ZNF606: variants seen among roughly 807,000 people sequenced by gnomAD.
The protein encoded by ZNF606 is zinc finger protein 606.
Under a neutral mutation model 74.9 loss-of-function variants are expected in ZNF606, and 37 were observed. That is an observed-to-expected ratio of 0.49 (90% CI 0.38 to 0.65). ZNF606 has a LOEUF of 0.65. ZNF606 is among the 30% of genes least tolerant of loss of function. The pLI is 0.00. For missense variants in ZNF606, 852 were observed against 952.9 expected (o/e 0.89, Z 1.39); for synonymous variants, 328 against 312.4 (o/e 1.05, Z -0.53).
chr19:57,980,605 G>A (rs1464296978), intron 6 of ZNF606, among the ~76,000 whole-genome samples: 2 of 152,120 alleles, frequency 1.3e-5, no homozygotes, highest in African/African-American at 4.8e-5. Context: ...GGAGGCCGAG[G>A]CGGGCGGATC....
Position 57,978,409 on chromosome 19 carries a change from C to T in ZNF606, c.2271G>A (p.Met757Ile). Residue 757 changes from methionine (M) to isoleucine (I), a missense_variant, in exon 7 of 7, where the codon ATG becomes ATA. Physicochemically the swap from Met to Ile is conservative, Grantham distance 10. Transcript: ENST00000551380. The surrounding 1 kb of genome is among the most constrained non-coding windows in gnomAD (Gnocchi z 4.4). ...KNSSLIIHQR[M>I]HSGEKRFICS... Reference sequence around the variant, plus strand: ...ATATAAAGCGTTTCTCTCCACTATGCATTCTCTGATGAATAATAAGGGAAG... The same window carrying T: ...ATATAAAGCGTTTCTCTCCACTATGTATTCTCTGATGAATAATAAGGGAAG... The T allele has an allele frequency of 6.2e-7, 1 of 1,613,968 alleles. No individual in the cohort carries two copies. The highest frequency in any genetic ancestry group is 2.2e-5 in the East Asian group (1 of 44,856).
In ZNF606 at chr19:58,001,425, T is replaced by C. The variant is rs1050855719; in HGVS notation, c.-51-55A>G. On this transcript the variant is annotated intron_variant, in intron 1 of 6. Coordinates refer to ENST00000551380, the MANE Select transcript of ZNF606 (RefSeq NM_001348022.3). ...TAGTCCTTTCTCACAGAAGACCAAGTGGGAACAAAGAAGGGAATCCATCCA... is the reference window on the plus strand; with the variant it reads ...TAGTCCTTTCTCACAGAAGACCAAGCGGGAACAAAGAAGGGAATCCATCCA... 8.5e-6 allele frequency: 12 copies of C among 1,417,916 alleles called. No homozygotes were observed. In the South Asian group the frequency reaches 1.3e-4, roughly 16 times the overall value. The allele number at this position is 1,417,916 out of a possible 1,614,324, so 87.8% of individuals were successfully genotyped here.
chr19:57,979,323 T>C lies in ZNF606; in HGVS notation c.1357A>G (p.Ile453Val). 1 of 1,613,890 alleles carries C rather than the reference T, an allele frequency of 6.2e-7. No individual in the cohort carries two copies. Among genetic ancestry groups the C allele is most frequent in the Non-Finnish European group, 8.5e-7 (1 of 1,179,934 alleles). The change falls in exon 7 of 7, where the codon ATA (isoleucine) becomes GTA (valine). Residue 453 changes from isoleucine (I) to valine (V), a missense_variant. Coordinates refer to ENST00000551380, the MANE Select transcript of ZNF606 (RefSeq NM_001348022.3). ...CATTTATTACATTCATAGGGTTTTATTCCAGTGTGAGTCCGTTCATGTTTC... is the reference window on the plus strand; with the variant it reads ...CATTTATTACATTCATAGGGTTTTACTCCAGTGTGAGTCCGTTCATGTTTC... ...LTKHERTHTG[I>V]KPYECNKCGK...
intron 4 of ZNF606, among the ~76,000 whole-genome samples, chr19:57,992,230 G>A (rs1480986476): frequency 6.6e-6 from 1 of 152,222 alleles, no homozygotes; most frequent in East Asian, 1.9e-4. Context: ...GTGAAAGGCA[G>A]ACAGGGAGCT....
intron 4 of ZNF606, chr19:57,998,549 G>A (rs2073371050): frequency 6.6e-6 from 1 of 152,204 alleles, no homozygotes; most frequent in Non-Finnish European, 1.5e-5. Context: ...TAGTGGTTGG[G>A]AGGGAGTAGG....
chr19:57,988,525 T>G, intron 5 of ZNF606, 70 bp downstream of exon 5: 1 of 1,561,054 alleles, frequency 6.4e-7, no homozygotes. Context: ...GCAATGAGCT[T>G]CTAAACATGG....
In ZNF606 at chr19:57,980,180, TC is replaced by T. The variant is rs752744185; in HGVS notation, c.499del (p.Asp167MetfsTer8). 1 of 1,614,168 alleles carries T rather than the reference TC, an allele frequency of 6.2e-7. No homozygotes were observed. The highest frequency in any genetic ancestry group is 8.5e-7 in the Non-Finnish European group (1 of 1,180,040). On this transcript the variant is annotated frameshift_variant, in exon 7 of 7. Transcript: ENST00000551380. LOFTEE classifies it high-confidence loss of function. ...HGMKLERYIW[D>X]DPWFSRLEVL... is the part of the protein sequence containing the mutation. ...TTCTAACCTGGAGAACCAAGGATCA[TC>T]CCATATATATCTTTCCAACTTCATG...
chr19:57,980,358 C>T (rs2073066177), intron 6 of ZNF606, 79 bp from the exon 7 acceptor site: 2 of 1,421,814 alleles, frequency 1.4e-6, no homozygotes, highest in Admixed American at 2.3e-5. Flanking sequence ...ATTTACTGTC[C>T]ATATTATCAA....
chr19:58,000,847 C>A, intron 2 of ZNF606, 108 bp from the exon 3 acceptor site: 1 of 1,094,284 alleles, frequency 9.1e-7, no homozygotes, highest in Admixed American at 2.6e-5. Context: ...ATTCCATAAA[C>A]AGAGCCCAAG....
At chr19:57,998,698 A>C (rs1411782732) in intron 4 of ZNF606, 2 of 143,770 alleles carry the variant, frequency 1.4e-5, no homozygotes, top group African/African-American at 5.1e-5. Context: ...TAAAAGGATA[A>C]ACTTTATAAT....
intron 6 of ZNF606, among the ~76,000 whole-genome samples, chr19:57,980,751 C>T (rs2123268305): frequency 6.7e-6 from 1 of 149,636 alleles, no homozygotes; most frequent in South Asian, 2.1e-4. Flanking sequence ...AGGAGAATGG[C>T]ATGAACCCGG....
chr19:57,986,002 T>G (rs1469853746), intron 6 of ZNF606, among the ~76,000 whole-genome samples: 1 of 151,882 alleles, frequency 6.6e-6, no homozygotes, highest in African/African-American at 2.4e-5. Flanking sequence ...AAGAAATTCA[T>G]CACGTACAAG....
At chr19:57,981,361 T>G (rs2073083019) in intron 6 of ZNF606, among the ~76,000 whole-genome samples, 1 of 152,078 alleles carries the variant, frequency 6.6e-6, no homozygotes, top group Non-Finnish European at 1.5e-5. Context: ...GACTTTTGAG[T>G]CCTATAAGTA....
intron 4 of ZNF606, among the ~76,000 whole-genome samples, chr19:57,994,625 G>A (rs932431084): frequency 3.9e-5 from 6 of 152,102 alleles, no homozygotes; most frequent in Admixed American, 6.5e-5. Flanking sequence ...ATCTAGGGAT[G>A]GGGGAAGAGA....
rs370760010 is a variant in ZNF606 at position 57,978,170 on chromosome 19, A to G, written c.*131T>C. On this transcript the variant is annotated 3_prime_UTR_variant, in exon 7 of 7. Coordinates refer to ENST00000551380, the MANE Select transcript of ZNF606 (RefSeq NM_001348022.3). The surrounding 1 kb of genome is among the most constrained non-coding windows in gnomAD (Gnocchi z 4.4). The stretch of plus-strand genomic sequence containing the variant: ...CCTTCATGGGGTTTCTTCTAAGATG[A>G]TATTTTCTAGTAAATAATGTGGGAG... The G allele has an allele frequency of 1.7e-5, 16 of 935,032 alleles. No homozygotes were observed. Among genetic ancestry groups the G allele is most frequent in the African/African-American group, 1.5e-4 (9 of 59,296 alleles). The allele number at this position is 935,032 out of a possible 1,614,324, so 57.9% of individuals were successfully genotyped here.
chr19:57,980,178 C>T lies in ZNF606; in HGVS notation c.502G>A (p.Asp168Asn), dbSNP rs1343969723. ...ACTTCTAACCTGGAGAACCAAGGATCATCCCATATATATCTTTCCAACTTC... is the reference window on the plus strand; with the variant it reads ...ACTTCTAACCTGGAGAACCAAGGATTATCCCATATATATCTTTCCAACTTC... ...GMKLERYIWD[D>N]PWFSRLEVLG... The change falls in exon 7 of 7, where the codon GAT (aspartate) becomes AAT (asparagine). Residue 168 changes from aspartate (D) to asparagine (N), a missense_variant. By Grantham distance (23) the Asp-to-Asn change is conservative (BLOSUM62 1). Around this residue, in one of 3 missense-constraint regions of ZNF606, gnomAD observed 545 missense variants for 542.5 expected, o/e 1.00. Transcript: ENST00000551380. 6.2e-7 allele frequency: 1 copy of T among 1,614,166 alleles called. No homozygotes were observed. Among genetic ancestry groups the T allele is most frequent in the Non-Finnish European group, 8.5e-7 (1 of 1,180,032 alleles).
intron 3 of ZNF606, 173 bp downstream of exon 3, chr19:58,000,509 AC>A (rs1421129564): frequency 2.7e-6 from 2 of 738,018 alleles, no homozygotes; most frequent in Non-Finnish European, 4.7e-6. Flanking sequence ...GTGAGTCACC[AC>A]GCCTGGCCAC....
At chr19:57,986,930 T>A (rs28477077) in intron 6 of ZNF606, among the ~76,000 whole-genome samples, 35 of 151,640 alleles carry the variant, frequency 2.3e-4, no homozygotes, top group Non-Finnish European at 2.5e-4. Context: ...CAAAAAAAAA[T>A]TTTTTTTTAA....
In ZNF606 at chr19:57,979,807, A is replaced by G; in HGVS notation, c.873T>C (p.Cys291=). ...GATTGAAAGATTTAACAGCATCAGT[A>G]CATTTGAAAAGATTATCTCCAGTTT... ...RIQTGDNLFK[C]TDAVKSFNHI... is the part of the protein sequence containing the mutation. The change falls in exon 7 of 7, where the codon TGT becomes TGC. Residue 291 remains cysteine, a synonymous_variant. Transcript: ENST00000551380. 1 of 1,613,464 alleles carries G rather than the reference A, an allele frequency of 6.2e-7. No homozygotes were observed. The highest frequency in any genetic ancestry group is 8.5e-7 in the Non-Finnish European group (1 of 1,180,016).
Sources: gnomAD v4.1 joint callset for allele counts (sites outside exome capture counted in the v4.1 genomes callset) on GRCh38, gnomAD v4.1.1 for gene constraint, gnomAD v4.1.1 regional missense constraint, Gnocchi (gnomAD v3.1) non-coding constraint, MANE v1.5 for transcripts, NCBI Gene and HGNC (gene_info 2026-07-23, HGNC 2026-07-21) for gene names.